The following IRAG1 variants were observed in gnomAD, a reference collection of about 807,000 sequenced individuals.
IRAG1 encodes the protein inositol 1,4,5-triphosphate receptor associated 1, also known as IP3R-associated cGMP kinase substrate.
Under a neutral mutation model 106.2 loss-of-function variants are expected in IRAG1, and 62 were observed. The ratio of observed to expected loss-of-function variants is 0.58; its 90% CI spans 0.48 to 0.72. The LOEUF (loss-of-function observed/expected upper bound fraction) is 0.72, where lower values mean the gene tolerates loss of function less well. IRAG1 is among the 30% of genes least tolerant of loss of function. The pLI is 0.00. For synonymous variants in IRAG1, 462 were observed against 443.9 expected (o/e 1.04, Z -0.51); for missense variants, 1,064 against 1,140.7 (o/e 0.93, Z 0.97).
chr11:10,650,896 T>C (rs951500894), intron 2 of IRAG1, among the ~76,000 whole-genome samples: 1 of 152,240 alleles, frequency 6.6e-6, no homozygotes, highest in African/African-American at 2.4e-5. Context: ...GGGCCATTCT[T>C]TTCTAAGTGT....
chr11:10,681,496 C>T (rs1861257571), intron 1 of IRAG1, among the ~76,000 whole-genome samples: 2 of 152,190 alleles, frequency 1.3e-5, no homozygotes, highest in Admixed American at 6.5e-5. Flanking sequence ...TTCAAACACA[C>T]CTGCAGTCCT....
At chr11:10,666,433 A>C (rs1403998006) in intron 1 of IRAG1, among the ~76,000 whole-genome samples, 1 of 152,228 alleles carries the variant, frequency 6.6e-6, no homozygotes, top group African/African-American at 2.4e-5. Context: ...ACCATAATGA[A>C]GGCTTCTAGG....
At chr11:10,651,695 G>C (rs113901805) in intron 2 of IRAG1, among the ~76,000 whole-genome samples, 1 of 152,304 alleles carries the variant, frequency 6.6e-6, no homozygotes, top group Non-Finnish European at 1.5e-5. Context: ...CCTGACATAA[G>C]AGGTTCTCAG....
At chr11:10,577,066 CTG>C (rs1429137869) in intron 20 of IRAG1, among the ~76,000 whole-genome samples, 1 of 152,162 alleles carries the variant, frequency 6.6e-6, no homozygotes, top group Non-Finnish European at 1.5e-5. Context: ...CCACATCTAA[CTG>C]TGTCCAGAGT....
intron 10 of IRAG1, chr11:10,617,150 C>T (rs563230175): frequency 6.5e-5 from 64 of 985,424 alleles, no homozygotes; most frequent in Admixed American, 3.1e-4. Flanking sequence ...CCTCAGCCTA[C>T]GTGTCCCTCA....
chr11:10,580,250 CT>C (rs1851255510), intron 20 of IRAG1, among the ~76,000 whole-genome samples: 1 of 152,218 alleles, frequency 6.6e-6, no homozygotes, highest in African/African-American at 2.4e-5. Flanking sequence ...TTGCAAACTT[CT>C]CATTGCTAGC....
intron 15 of IRAG1, 72 bp downstream of exon 15, chr11:10,600,846 T>C (rs1853917554): frequency 1.3e-6 from 2 of 1,592,688 alleles, no homozygotes; most frequent in Admixed American, 1.7e-5. Flanking sequence ...TTCTGACAGC[T>C]CTAATCCTAG....
At chr11:10,586,549 C>T (rs974927126) in intron 18 of IRAG1, among the ~76,000 whole-genome samples, 5 of 152,002 alleles carry the variant, frequency 3.3e-5, no homozygotes, top group African/African-American at 7.3e-5. Context: ...TCCCAAGTAG[C>T]TGAGATTACA....
intron 11 of IRAG1, among the ~76,000 whole-genome samples, chr11:10,607,566 T>A (rs562392939): frequency 1.3e-5 from 2 of 152,266 alleles, no homozygotes; most frequent in South Asian, 4.1e-4. Flanking sequence ...CCATCTGAAG[T>A]CCACACAATG....
intron 1 of IRAG1, chr11:10,687,941 T>A: frequency 2.9e-6 from 1 of 341,230 alleles, no homozygotes; most frequent in Non-Finnish European, 4.1e-6. Context: ...ATTCCAAATC[T>A]GAAAAATCTG....
chr11:10,602,575 C>A (rs116744268), intron 14 of IRAG1, among the ~76,000 whole-genome samples: 2 of 152,216 alleles, frequency 1.3e-5, no homozygotes, highest in Admixed American at 1.3e-4. Flanking sequence ...GCCTGTGCCC[C>A]GCTCCGCCAC....
At chr11:10,692,412 G>A (rs530451816) in intron 1 of IRAG1, among the ~76,000 whole-genome samples, 1 of 152,226 alleles carries the variant, frequency 6.6e-6, no homozygotes, top group Non-Finnish European at 1.5e-5. Flanking sequence ...TTGGTGGAAC[G>A]ACCTTAGGCA....
chr11:10,633,091 T>C lies in IRAG1; in HGVS notation c.329+877A>G, dbSNP rs76574713. Reference sequence around the variant, plus strand: ...TCTTTCTTTCTTTTTTTTTTTTTTTTTGAGACGGAGTCTCGCACTGTCGCC... The same window carrying C: ...TCTTTCTTTCTTTTTTTTTTTTTTTCTGAGACGGAGTCTCGCACTGTCGCC... On this transcript the variant is annotated intron_variant, in intron 3 of 20. Transcript: ENST00000423302. 5.9e-5 allele frequency among the ~76,000 whole-genome samples: 8 copies of C among 136,506 alleles called. No homozygotes were observed. The East Asian group carries it at 1.4e-3, about 23-fold the overall frequency. The allele number at this position is 136,506 out of a possible 152,430, so 89.6% of individuals were successfully genotyped here.
At chr11:10,597,315 TTTA>T (rs1428655849) in intron 15 of IRAG1, among the ~76,000 whole-genome samples, 2 of 152,182 alleles carry the variant, frequency 1.3e-5, no homozygotes, top group African/African-American at 4.8e-5. Flanking sequence ...GATCCATTAT[TTTA>T]TGTCTCCAAT....
chr11:10,662,971 T>C (rs1160907995), intron 1 of IRAG1, among the ~76,000 whole-genome samples: 1 of 152,200 alleles, frequency 6.6e-6, no homozygotes, highest in Non-Finnish European at 1.5e-5. Flanking sequence ...GAAGCCAACA[T>C]GTGGGCTGAA....
At chr11:10,687,276 C>T (rs377272854) in intron 1 of IRAG1, among the ~76,000 whole-genome samples, 1 of 152,204 alleles carries the variant, frequency 6.6e-6, no homozygotes, top group African/African-American at 2.4e-5. Flanking sequence ...CAGAGTGCCA[C>T]GCTCTTCCAC....
At position 10,634,050 on chromosome 11, in the gene IRAG1, A is replaced by G. The variant is rs1186218129; in HGVS notation, c.247T>C (p.Ser83Pro). 1 of 1,611,588 alleles carries G rather than the reference A, an allele frequency of 6.2e-7. No individual in the cohort carries two copies. Among genetic ancestry groups the G allele is most frequent in the Non-Finnish European group, 8.5e-7 (1 of 1,178,654 alleles). The stretch of plus-strand genomic sequence containing the variant: ...ACAATCGTGGGAGTTGGACTGCAAG[A>G]TACTCCTGCGGCAGGAGGACCCTGC... ...AGQGPPAAGV[S>P]CSPTPTIVLT... Residue 83 changes from serine to proline, a missense_variant, in exon 3 of 21, where the codon TCT becomes CCT. Physicochemically the swap from Ser to Pro is moderately conservative, Grantham distance 74 (BLOSUM62 -1). Transcript: ENST00000423302.
chr11:10,661,121 C>G (rs936620497), intron 1 of IRAG1, among the ~76,000 whole-genome samples: 1 of 152,140 alleles, frequency 6.6e-6, no homozygotes, highest in African/African-American at 2.4e-5. Flanking sequence ...AAGCTCCTAG[C>G]CCCTCTCTCG....
chr11:10,614,408 C>T (rs572227510), intron 10 of IRAG1, among the ~76,000 whole-genome samples: 1 of 152,294 alleles, frequency 6.6e-6, no homozygotes, highest in African/African-American at 2.4e-5. Flanking sequence ...CATCAAGCTA[C>T]CAATGACTTT....
Sources: allele counts gnomAD v4.1 joint callset (sites outside exome capture counted in the v4.1 genomes callset), GRCh38; gene constraint gnomAD v4.1.1; transcripts MANE v1.5; gene names NCBI Gene and HGNC (gene_info 2026-07-23, HGNC 2026-07-21).